Variants in MACC1 observed in about 807,000 individuals in gnomAD.
The protein encoded by MACC1 is metastasis-associated in colon cancer protein 1.
A neutral mutation model predicts 70.7 loss-of-function variants in MACC1; 79 were observed. The ratio of observed to expected loss-of-function variants is 1.12; its 90% CI spans 0.93 to 1.35. The LOEUF (loss-of-function observed/expected upper bound fraction) is 1.35, where lower values mean the gene tolerates loss of function less well. Among genes scored for constraint, MACC1 ranks in the 40% most tolerant of loss-of-function variants. The pLI is 0.00. For missense variants in MACC1, 1,106 were observed against 978.1 expected (o/e 1.13, Z -1.74); for synonymous variants, 361 against 347.2 (o/e 1.04, Z -0.44).
intron 1 of MACC1, among the ~76,000 whole-genome samples, chr7:20,178,787 A>G (rs926402012): frequency 1.3e-5 from 2 of 151,998 alleles, no homozygotes; most frequent in African/African-American, 2.4e-5. Context: ...TTTAGTAGAC[A>G]TGGGGTTTCT....
chr7:20,215,072 T>G (rs958953949), intron 1 of MACC1, among the ~76,000 whole-genome samples: 1 of 137,096 alleles, frequency 7.3e-6, no homozygotes, highest in African/African-American at 2.9e-5. Flanking sequence ...CTCATATACA[T>G]CTCAAGTTTA....
At chr7:20,168,276 T>A (rs923324886) in intron 2 of MACC1, among the ~76,000 whole-genome samples, 3 of 150,830 alleles carry the variant, frequency 2.0e-5, no homozygotes, top group African/African-American at 7.3e-5. Flanking sequence ...AAAAAAAAAA[T>A]TTAAAAACAA....
rs995715134 is a variant in MACC1, at chr7:20,136,238, C to G, written c.*4708G>C. The G allele has an allele frequency of 6.6e-6, 1 of 152,192 alleles. No individual in the cohort carries two copies. Among genetic ancestry groups the G allele is most frequent in the African/African-American group, 2.4e-5 (1 of 41,440 alleles). The allele number at this position is 152,192 out of a possible 1,614,324, so 9.4% of individuals were successfully genotyped here. ...GACAAAGATTAGAAACCGCAGCTCT[C>G]AACTCTTTGACTAGTGTCTTGTAGA... On this transcript the variant is annotated 3_prime_UTR_variant, in exon 7 of 7. Coordinates refer to ENST00000400331, the MANE Select transcript of MACC1 (RefSeq NM_182762.4).
In MACC1 at chr7:20,158,964, A is replaced by T. The variant is rs150655456; in HGVS notation, c.1397T>A (p.Val466Asp). Reference sequence around the variant, plus strand: ...TAAAGAAAATAAAAATTGTTGATGAACTACTTCACCTGCTTCCAACTGCTT... The same window carrying T: ...TAAAGAAAATAAAAATTGTTGATGATCTACTTCACCTGCTTCCAACTGCTT... ...KQKQLEAGEVVHQQFLFSLVE... is the reference protein window; with the variant it reads ...KQKQLEAGEVDHQQFLFSLVE... Residue 466 changes from valine to aspartate, a missense_variant, in exon 5 of 7, where the codon GTT becomes GAT. Transcript: ENST00000400331. The T allele has an allele frequency of 3.7e-4, 591 of 1,613,862 alleles. 1 individual carries two copies. Among genetic ancestry groups the T allele is most frequent in the Non-Finnish European group, 4.4e-4 (520 of 1,180,004 alleles).
chr7:20,168,367 C>G (rs768176567), intron 2 of MACC1, among the ~76,000 whole-genome samples: 1 of 152,176 alleles, frequency 6.6e-6, no homozygotes, highest in African/African-American at 2.4e-5. Flanking sequence ...AAACATCATG[C>G]TGTAAATTCC....
chr7:20,188,541 T>C (rs541800995), intron 1 of MACC1, among the ~76,000 whole-genome samples: 32 of 152,210 alleles, frequency 2.1e-4, no homozygotes, highest in Non-Finnish European at 4.4e-4. Context: ...CAAACCTGTC[T>C]TTGCCTTTCC....
chr7:20,153,528 A>C (rs1445790046), intron 6 of MACC1: 1 of 152,174 alleles, frequency 6.6e-6, no homozygotes, highest in Middle Eastern at 3.2e-3. Flanking sequence ...ATTGACTCCC[A>C]GTTCTTTATG....
chr7:20,168,437 A>G (rs1370202411), intron 2 of MACC1, among the ~76,000 whole-genome samples: 2 of 152,208 alleles, frequency 1.3e-5, no homozygotes, highest in African/African-American at 4.8e-5. Context: ...AGTGACCAAA[A>G]TAAGGTAAAC....
intron 1 of MACC1, among the ~76,000 whole-genome samples, chr7:20,187,441 T>C (rs1393431119): frequency 6.6e-6 from 1 of 152,134 alleles, no homozygotes; most frequent in African/African-American, 2.4e-5. Context: ...CAGCAACCTA[T>C]CAATCTGACA....
chr7:20,185,506 A>G (rs1309083152), intron 1 of MACC1, among the ~76,000 whole-genome samples: 1 of 152,116 alleles, frequency 6.6e-6, no homozygotes, highest in African/African-American at 2.4e-5. Flanking sequence ...TTTTCTTTAA[A>G]CAGATTTTAA....
chr7:20,215,786 T>C (rs1479792471), intron 1 of MACC1, among the ~76,000 whole-genome samples: 1 of 152,218 alleles, frequency 6.6e-6, no homozygotes, highest in African/African-American at 2.4e-5. Flanking sequence ...AATCAGCCAA[T>C]ACATTTTAAG....
rs1405033246 is a variant in MACC1 at position 20,170,707 on chromosome 7, T to C, written c.-153+7A>G. ...GAAAAACACTCTGACATTTTGTGTA[T>C]ACTCACAGTTTTCCTTGGTTTGAAC... is the stretch of plus-strand genomic sequence containing the variant. On this transcript the variant is annotated splice_region_variant and intron_variant, in intron 2 of 6. Transcript: ENST00000400331. 1 of 152,244 alleles carries C rather than the reference T, an allele frequency of 6.6e-6. No individual in the cohort carries two copies. The highest frequency in any genetic ancestry group is 1.5e-5 in the Non-Finnish European group (1 of 68,032). 9.4% of individuals were successfully genotyped at this position (152,244 alleles called of 1,614,324 possible).
intron 1 of MACC1, among the ~76,000 whole-genome samples, chr7:20,176,410 G>A (rs1439477677): frequency 1.3e-5 from 2 of 152,034 alleles, no homozygotes; most frequent in East Asian, 3.9e-4. Flanking sequence ...AACCCGTATT[G>A]AATTGATCAA....
At chr7:20,177,375 G>C (rs1782409836) in intron 1 of MACC1, among the ~76,000 whole-genome samples, 1 of 151,992 alleles carries the variant, frequency 6.6e-6, no homozygotes, top group South Asian at 2.1e-4. Flanking sequence ...TTAAGTTTCT[G>C]TTGATGTGAT....
intron 1 of MACC1, among the ~76,000 whole-genome samples, chr7:20,174,057 T>A (rs887330357): frequency 7.0e-4 from 106 of 152,336 alleles, no homozygotes; most frequent in African/African-American, 2.5e-3. Flanking sequence ...AGCACTTAAG[T>A]GTGACTTCCT....
In MACC1 at chr7:20,213,815, T is replaced by C. The variant is rs147844037; in HGVS notation, c.-218+3484A>G. Among the ~76,000 whole-genome samples the C allele has an allele frequency of 1.4e-3, 220 of 152,200 alleles. 1 individual carries two copies. Among genetic ancestry groups the C allele is most frequent in the African/African-American group, 4.9e-3 (202 of 41,528 alleles). On this transcript the variant is annotated intron_variant, in intron 1 of 6. Transcript: ENST00000400331. The stretch of plus-strand genomic sequence containing the variant: ...TAAATAACTTGGGTACTAGGCTTAA[T>C]ACCTGGGTGATGAAATAATCTGTAC...
intron 1 of MACC1, among the ~76,000 whole-genome samples, chr7:20,215,133 T>C (rs1390255965): frequency 1.3e-5 from 2 of 152,126 alleles, no homozygotes; most frequent in Non-Finnish European, 2.9e-5. Flanking sequence ...CCAGTAATTA[T>C]AGTTGAAAGA....
intron 1 of MACC1, among the ~76,000 whole-genome samples, chr7:20,207,082 T>C (rs948036710): frequency 6.6e-6 from 1 of 152,198 alleles, no homozygotes; most frequent in African/African-American, 2.4e-5. Flanking sequence ...CTTTAAATTA[T>C]TTTTAGGATA....
intron 2 of MACC1, among the ~76,000 whole-genome samples, chr7:20,168,319 G>A (rs989054594): frequency 6.6e-6 from 1 of 152,018 alleles, no homozygotes; most frequent in Non-Finnish European, 1.5e-5. Context: ...ACATTTGCAG[G>A]AAGTTGGTAG....
Sources: gnomAD v4.1 joint callset for allele counts (sites outside exome capture counted in the v4.1 genomes callset) on GRCh38, gnomAD v4.1.1 for gene constraint, MANE v1.5 for transcripts, NCBI Gene and HGNC (gene_info 2026-07-23, HGNC 2026-07-21) for gene names.